Variants in DNHD1 observed in about 807,000 individuals in gnomAD.
The protein encoded by DNHD1 is dynein heavy chain domain 1.
Under a neutral mutation model 458.1 loss-of-function variants are expected in DNHD1, and 383 were observed. That is an observed-to-expected ratio of 0.84 (90% CI 0.77 to 0.91). The LOEUF is 0.91. Among genes scored for constraint, DNHD1 ranks in the 40% least tolerant of loss-of-function variants. The pLI, the probability that DNHD1 is intolerant of heterozygous loss-of-function variation, is 0.00. For synonymous variants in DNHD1, 2,203 were observed against 2,376.9 expected (o/e 0.93, Z 2.13); for missense variants, 5,336 against 5,866.1 (o/e 0.91, Z 2.95).
chr11:6,548,534 T>A lies in DNHD1; in HGVS notation c.7099-111T>A. 6.8e-7 allele frequency: 1 copy of A among 1,463,238 alleles called. No individual in the cohort carries two copies. The highest frequency in any genetic ancestry group is 9.2e-7 in the Non-Finnish European group (1 of 1,082,522). The allele number at this position is 1,463,238 out of a possible 1,614,324, so 90.6% of individuals were successfully genotyped here. A position where few individuals can be genotyped will look rare whatever the true frequency, so the allele number is the denominator to read the frequency against. On this transcript the variant is annotated intron_variant, in intron 23 of 42. Transcript: ENST00000254579. The surrounding 1 kb of genome is among the most constrained non-coding windows in gnomAD (Gnocchi z 4.4). ...ATATTTTCACAATCACAAGAATACA[T>A]GAAATATTTTCCAAGTACAGCTCTA...
In DNHD1 at chr11:6,534,134, G is replaced by A. The variant is rs1208940400; in HGVS notation, c.2959G>A (p.Asp987Asn). Residue 987 changes from aspartate (D) to asparagine (N), a missense_variant, in exon 14 of 43, where the codon GAC becomes AAC. Physicochemically the swap from Asp to Asn is conservative, Grantham distance 23. Around this residue, in one of 4 missense-constraint regions of DNHD1, gnomAD observed 3,932 missense variants for 4,365.6 expected, o/e 0.90. Coordinates refer to ENST00000254579, the MANE Select transcript of DNHD1 (RefSeq NM_144666.3). ...LERQFQNTVS[D>N]LSELHHAYAI... ...GCGTCAGTTCCAGAACACAGTCAGC[G>A]ACCTCAGTGAACTGCACCACGCCTA... 1.5e-5 allele frequency: 24 copies of A among 1,551,114 alleles called. No homozygotes were observed. Among genetic ancestry groups the A allele is most frequent in the Admixed American group, 3.9e-5 (2 of 50,952 alleles).
intron 6 of DNHD1, among the ~76,000 whole-genome samples, chr11:6,509,806 G>C (rs1446912908): frequency 6.6e-6 from 1 of 152,106 alleles, no homozygotes; most frequent in Non-Finnish European, 1.5e-5. Context: ...TCTGTGACAG[G>C]AGTTGCAAAT....
intron 12 of DNHD1, among the ~76,000 whole-genome samples, chr11:6,530,265 A>T (rs548992732): frequency 6.6e-6 from 1 of 151,958 alleles, no homozygotes. Context: ...TCCTCTTGCC[A>T]CTTCTACCCC....
chr11:6,497,929 AG>A lies in DNHD1; in HGVS notation c.-286del, dbSNP rs1352470512. 8.4e-6 allele frequency: 4 copies of A among 475,082 alleles called. No individual in the cohort carries two copies. Among genetic ancestry groups the A allele is most frequent in the Non-Finnish European group, 1.5e-5 (4 of 261,166 alleles). 29.4% of individuals were successfully genotyped at this position (475,082 alleles called of 1,614,324 possible). On this transcript the variant is annotated 5_prime_UTR_variant, in exon 3 of 43. An upstream open reading frame in the 5' UTR gains an earlier in-frame stop. Transcript: ENST00000254579. ...GTCTGTCTTAGGCCTGCTCCTTACC[AG>A]AGTCTTTGGGGAAGCAGTAGGGAGG...
At chr11:6,517,146 A>C (rs1852490263) in intron 7 of DNHD1, among the ~76,000 whole-genome samples, 3 of 152,224 alleles carry the variant, frequency 2.0e-5, no homozygotes, top group Admixed American at 2.0e-4. Context: ...GGGGCCTTTT[A>C]AAAATAAAAT....
chr11:6,563,585 T>G, intron 30 of DNHD1, 21 bp downstream of exon 30: 1 of 1,550,450 alleles, frequency 6.4e-7, no homozygotes. Flanking sequence ...TGGAGCACAA[T>G]GAAGGAGGAT....
intron 12 of DNHD1, among the ~76,000 whole-genome samples, chr11:6,529,497 T>A (rs1368679918): frequency 1.3e-5 from 2 of 152,214 alleles, no homozygotes; most frequent in East Asian, 1.9e-4. Context: ...ACTGAGCTTG[T>A]CTTACTCTGT....
rs73404906 is a variant in DNHD1, at chr11:6,518,528, T to C, written c.1393-1072T>C. On this transcript the variant is annotated intron_variant, in intron 7 of 42. Coordinates refer to ENST00000254579, the MANE Select transcript of DNHD1 (RefSeq NM_144666.3). ...CTTTCAATGTGAGATTATACATTCT[T>C]TTTACAAACATTTACTGTGGAACTA... 6.8e-3 allele frequency among the ~76,000 whole-genome samples: 1,034 copies of C among 152,312 alleles called. 11 individuals are homozygous for C. The highest frequency in any genetic ancestry group is 0.024 in the African/African-American group (1,002 of 41,564).
rs1409267697 is a variant in DNHD1, at chr11:6,567,091, T to C, written c.11582T>C (p.Val3861Ala). 1 of 1,613,908 alleles carries C rather than the reference T, an allele frequency of 6.2e-7. No individual in the cohort carries two copies. The highest frequency in any genetic ancestry group is 8.5e-7 in the Non-Finnish European group (1 of 1,179,896). ...GTGGTTTGGCATGGAATGGCCATGG[T>C]AAAGGCCCTAAGCCAACTGCAGAAC... ...RPVVWHGMAM[V>A]KALSQLQNLL... Residue 3861 changes from valine to alanine, a missense_variant, in exon 36 of 43, where the codon GTA (valine) becomes GCA (alanine). Val to Ala is a moderately conservative substitution (Grantham distance 64). Coordinates refer to ENST00000254579, the MANE Select transcript of DNHD1 (RefSeq NM_144666.3).
intron 18 of DNHD1, among the ~76,000 whole-genome samples, chr11:6,540,570 A>T (rs1042312942): frequency 2.0e-5 from 3 of 152,232 alleles, no homozygotes; most frequent in Admixed American, 1.3e-4. Context: ...ACAATACTAT[A>T]GGGATAAACA....
Position 6,570,388 on chromosome 11 carries a change from C to T in DNHD1, c.13097C>T (p.Pro4366Leu). The T allele has an allele frequency of 7.5e-6, 12 of 1,608,270 alleles. No individual in the cohort carries two copies. The highest frequency in any genetic ancestry group is 1.0e-5 in the Non-Finnish European group (12 of 1,177,522). The change falls in exon 41 of 43, where the codon CCC becomes CTC. Residue 4366 changes from proline (P) to leucine (L), a missense_variant. Pro to Leu is a moderately conservative substitution (Grantham distance 98). Around this residue, in one of 4 missense-constraint regions of DNHD1, gnomAD observed 698 missense variants for 664.9 expected, o/e 1.05. Coordinates refer to ENST00000254579, the MANE Select transcript of DNHD1 (RefSeq NM_144666.3). ...TPQSLLATLM[P>L]LPELRELDAM... ...CAGTCTTTGCTGGCCACGCTCATGC[C>T]CCTCCCAGGTAAGCCTCACTCAGGT...
chr11:6,564,067 A>G lies in DNHD1; in HGVS notation c.10227A>G (p.Lys3409=). ...AAGCACAGTGTGGGCAGTATCACAAATGGCCCATGAAGGCTGCACTGCTCA... is the reference window on the plus strand; with the variant it reads ...AAGCACAGTGTGGGCAGTATCACAAGTGGCCCATGAAGGCTGCACTGCTCA... ...LSQAQCGQYH[K]WPMKAALLTP... The change falls in exon 31 of 43, where the codon AAA becomes AAG. Residue 3409 remains lysine (K), a synonymous_variant. Transcript: ENST00000254579. 1.9e-6 allele frequency: 3 copies of G among 1,551,646 alleles called. No individual in the cohort carries two copies. The highest frequency in any genetic ancestry group is 2.6e-6 in the Non-Finnish European group (3 of 1,147,002).
intron 24 of DNHD1, among the ~76,000 whole-genome samples, chr11:6,550,779 G>A (rs1336895878): frequency 6.6e-6 from 1 of 152,052 alleles, no homozygotes; most frequent in Non-Finnish European, 1.5e-5. Flanking sequence ...AGATAGAAAA[G>A]GACATCTCAT....
rs1283340025 is a variant in DNHD1, at chr11:6,570,882, T to C, written c.13370T>C (p.Leu4457Pro). 2 of 1,613,948 alleles carry C rather than the reference T, an allele frequency of 1.2e-6. No individual in the cohort carries two copies. Among genetic ancestry groups the C allele is most frequent in the South Asian group, 2.2e-5 (2 of 91,088 alleles). ...NRRLESLQDL[L>P]THVIRQDESD... ...AGGCTGGAGTCACTGCAGGATCTGCTGACCCACGTGATTCGCCAAGACGAG... is the reference window on the plus strand; with the variant it reads ...AGGCTGGAGTCACTGCAGGATCTGCCGACCCACGTGATTCGCCAAGACGAG... Residue 4457 changes from leucine to proline, a missense_variant, in exon 42 of 43, where the codon CTG becomes CCG. Coordinates refer to ENST00000254579, the MANE Select transcript of DNHD1 (RefSeq NM_144666.3).
intron 4 of DNHD1, chr11:6,503,568 C>T (rs555752200): frequency 6.6e-6 from 1 of 152,370 alleles, no homozygotes; most frequent in South Asian, 2.1e-4. Flanking sequence ...ACTGCAGTCT[C>T]AATCTCTCTG....
At chr11:6,512,290 G>A (rs1349380336) in intron 7 of DNHD1, among the ~76,000 whole-genome samples, 3 of 133,694 alleles carry the variant, frequency 2.2e-5, no homozygotes, top group Admixed American at 8.4e-5. Flanking sequence ...GCGGGATCTC[G>A]GCTCACTGCA....
intron 12 of DNHD1, among the ~76,000 whole-genome samples, chr11:6,529,498 CT>C (rs1428809635): frequency 6.6e-6 from 1 of 152,214 alleles, no homozygotes; most frequent in East Asian, 1.9e-4. Flanking sequence ...CTGAGCTTGT[CT>C]TACTCTGTAG....
intron 3 of DNHD1, among the ~76,000 whole-genome samples, chr11:6,500,735 A>G (rs1297622223): frequency 6.6e-6 from 1 of 152,202 alleles, no homozygotes; most frequent in Non-Finnish European, 1.5e-5. Flanking sequence ...CCAGGCATTC[A>G]TTCATTCAAT....
intron 24 of DNHD1, among the ~76,000 whole-genome samples, chr11:6,553,062 GAAAT>G (rs1484102729): frequency 3.3e-5 from 5 of 152,052 alleles, no homozygotes; most frequent in Non-Finnish European, 5.9e-5. Flanking sequence ...TTCAAGCAAA[GAAAT>G]AAACTGTTAT....
Sources: allele counts gnomAD v4.1 joint callset (sites outside exome capture counted in the v4.1 genomes callset), GRCh38; gene constraint gnomAD v4.1.1; regional missense constraint gnomAD v4.1.1; non-coding constraint Gnocchi (gnomAD v3.1); transcripts MANE v1.5; gene names NCBI Gene and HGNC (gene_info 2026-07-23, HGNC 2026-07-21).